The following MICU1 variants were observed in gnomAD, a reference collection of about 807,000 sequenced individuals.
MICU1 encodes mitochondrial calcium uptake 1, also known as calcium uptake protein 1, mitochondrial.
A neutral mutation model predicts 56.8 loss-of-function variants in MICU1; 45 were observed. The observed-to-expected ratio is 0.79, with a 90% CI of 0.62 to 1.02. The LOEUF (loss-of-function observed/expected upper bound fraction) is 1.02. MICU1 is among the 50% of genes least tolerant of loss of function. MICU1 has a pLI of 0.00. For synonymous variants in MICU1, 186 were observed against 195.1 expected (o/e 0.95, Z 0.39); for missense variants, 504 against 587.1 (o/e 0.86, Z 1.46).
At chr10:72,382,401 C>G (rs11000280) in intron 10 of MICU1, among the ~76,000 whole-genome samples, 1 of 151,362 alleles carries the variant, frequency 6.6e-6, no homozygotes, top group Non-Finnish European at 1.5e-5. Context: ...CATGAGCCAC[C>G]GCGCCTGGCC....
At chr10:72,586,422 G>A (rs145627381) in intron 1 of MICU1, among the ~76,000 whole-genome samples, 3,290 of 152,020 alleles carry the variant, frequency 0.022, 118 homozygotes, top group African/African-American at 0.075. Flanking sequence ...AGGCCAAGGC[G>A]GGTGGATCAC....
chr10:72,413,398 A>T (rs1167244216), intron 9 of MICU1, among the ~76,000 whole-genome samples: 1 of 152,158 alleles, frequency 6.6e-6, no homozygotes, highest in Non-Finnish European at 1.5e-5. Context: ...GAAAAATCAC[A>T]AGCTAGGAGA....
At chr10:72,541,599 C>T (rs993354579) in intron 4 of MICU1, among the ~76,000 whole-genome samples, 5 of 152,154 alleles carry the variant, frequency 3.3e-5, no homozygotes, top group Admixed American at 1.3e-4. Flanking sequence ...CTCAACCAAT[C>T]TGCAGCACCC....
chr10:72,530,462 C>G (rs1260923668), intron 5 of MICU1, among the ~76,000 whole-genome samples: 1 of 151,594 alleles, frequency 6.6e-6, no homozygotes, highest in Non-Finnish European at 1.5e-5. Flanking sequence ...AAAATCCGAA[C>G]TCTTTCAAGA....
chr10:72,586,014 T>C (rs1841044686), intron 1 of MICU1, among the ~76,000 whole-genome samples: 1 of 36,198 alleles, frequency 2.8e-5, no homozygotes, highest in African/African-American at 9.5e-5. Flanking sequence ...TTTTTTTTTC[T>C]TTTTTTTTTT....
intron 8 of MICU1, among the ~76,000 whole-genome samples, chr10:72,470,274 T>C (rs1002037368): frequency 6.6e-6 from 1 of 152,218 alleles, no homozygotes; most frequent in Non-Finnish European, 1.5e-5. Flanking sequence ...AGGACAAATG[T>C]AGTTGGGAAG....
At chr10:72,600,326 G>T (rs1318317885) in intron 1 of MICU1, among the ~76,000 whole-genome samples, 1 of 147,068 alleles carries the variant, frequency 6.8e-6, no homozygotes, top group Non-Finnish European at 1.5e-5. Flanking sequence ...CAATAAAAAT[G>T]AGTCTTCTTT....
chr10:72,552,391 C>T (rs1054740908), intron 3 of MICU1, among the ~76,000 whole-genome samples: 1 of 152,120 alleles, frequency 6.6e-6, no homozygotes, highest in Non-Finnish European at 1.5e-5. Flanking sequence ...AAATTTATCT[C>T]ATACCTGAAT....
chr10:72,463,698 C>T (rs1039078675), intron 8 of MICU1, among the ~76,000 whole-genome samples: 2 of 152,166 alleles, frequency 1.3e-5, no homozygotes, highest in African/African-American at 4.8e-5. Flanking sequence ...TTCCTATCAC[C>T]TAGTGATGTT....
chr10:72,485,748 G>T (rs1190768226), intron 6 of MICU1, among the ~76,000 whole-genome samples: 1 of 151,928 alleles, frequency 6.6e-6, no homozygotes, highest in Non-Finnish European at 1.5e-5. Flanking sequence ...AGAGAACTTG[G>T]AATAAAAAAT....
chr10:72,482,695 C>G (rs1048626008), intron 6 of MICU1, among the ~76,000 whole-genome samples: 3 of 151,618 alleles, frequency 2.0e-5, no homozygotes, highest in Admixed American at 6.6e-5. Flanking sequence ...ATATGATGGC[C>G]CTCTGAATAC....
rs1437310175 is a variant in MICU1 at position 72,625,730 on chromosome 10, C to G, written c.-2+280G>C. On this transcript the variant is annotated intron_variant, in intron 1 of 11. Transcript: ENST00000361114. ...GGGGGCGTCGGCGCCAAGTTGCGAA[C>G]CCGGCACTGGGAGAAGTTCTCCCGG... Among the ~76,000 whole-genome samples the G allele has an allele frequency of 2.0e-5, 3 of 152,178 alleles. No homozygotes were observed. The East Asian group carries it at 5.8e-4, about 29-fold the overall frequency.
chr10:72,531,883 A>G (rs902194623), intron 5 of MICU1, among the ~76,000 whole-genome samples: 1 of 139,404 alleles, frequency 7.2e-6, no homozygotes, highest in Non-Finnish European at 1.6e-5. Context: ...ATAAGGTTTT[A>G]TTTTTTTTTT....
At chr10:72,490,937 C>T (rs1389451525) in intron 6 of MICU1, among the ~76,000 whole-genome samples, 1 of 152,148 alleles carries the variant, frequency 6.6e-6, no homozygotes, top group Non-Finnish European at 1.5e-5. Flanking sequence ...GGGCTTCCTC[C>T]TACTAGTGGA....
At position 72,604,735 on chromosome 10, in the gene MICU1, T is replaced by C. The variant is rs561923299; in HGVS notation, c.-2+21275A>G. Among the ~76,000 whole-genome samples the C allele has an allele frequency of 2.0e-5, 3 of 152,320 alleles. No individual in the cohort carries two copies. In the South Asian group the frequency reaches 6.2e-4, roughly 32 times the overall value. On this transcript the variant is annotated intron_variant, in intron 1 of 11. Coordinates refer to ENST00000361114, the MANE Select transcript of MICU1 (RefSeq NM_001195518.2). ...AAGTGCTACTGAACATATAGGTAAA[T>C]ATGTGTTGCTGTTGTTAGATTTTGT...
intron 8 of MICU1, among the ~76,000 whole-genome samples, chr10:72,441,021 A>C (rs548178394): frequency 1.3e-5 from 2 of 152,202 alleles, no homozygotes; most frequent in Non-Finnish European, 2.9e-5. Context: ...AACCAGAATT[A>C]CCATTTGACC....
intron 8 of MICU1, among the ~76,000 whole-genome samples, chr10:72,423,695 C>T (rs777247999): frequency 1.4e-4 from 21 of 152,096 alleles, no homozygotes; most frequent in Non-Finnish European, 2.6e-4. Context: ...TTATGGTTAA[C>T]GGAACAGATG....
intron 8 of MICU1, among the ~76,000 whole-genome samples, chr10:72,452,112 C>T (rs866878637): frequency 6.6e-6 from 1 of 152,296 alleles, no homozygotes; most frequent in Middle Eastern, 3.4e-3. Context: ...AGGTGATCTG[C>T]CTACCTCGGC....
chr10:72,568,748 T>A (rs1185603858), intron 1 of MICU1, among the ~76,000 whole-genome samples: 2 of 552 alleles, frequency 3.6e-3, no homozygotes, highest in Admixed American at 0.025. Flanking sequence ...GTTCTTATTC[T>A]TTTTTTTTTT....
Sources: gnomAD v4.1 joint callset for allele counts (sites outside exome capture counted in the v4.1 genomes callset) on GRCh38, gnomAD v4.1.1 for gene constraint, MANE v1.5 for transcripts, NCBI Gene and HGNC (gene_info 2026-07-23, HGNC 2026-07-21) for gene names.